ZNF98: variants seen among roughly 807,000 people sequenced by gnomAD.
ZNF98 encodes zinc finger protein 739.
Under a neutral mutation model 12.8 loss-of-function variants are expected in ZNF98, and 8 were observed. The observed-to-expected ratio is 0.63, with a 90% CI of 0.37 to 1.13. ZNF98 has a LOEUF of 1.13. ZNF98 is among the 50% of genes most tolerant of loss of function. The pLI is 0.01. For synonymous variants in ZNF98, 112 were observed against 223.5 expected (o/e 0.50, Z 4.45); for missense variants, 379 against 666.1 (o/e 0.57, Z 4.74).
At chr19:22,415,986 C>CACACAA (rs1969637792) in intron 1 of ZNF98, among the ~76,000 whole-genome samples, 1 of 148,060 alleles carries the variant, frequency 6.8e-6, no homozygotes, top group Non-Finnish European at 1.5e-5. Context: ...CACACACACA[C>CACACAA]ACACACACTT....
intron 3 of ZNF98, 32 bp downstream of exon 3, chr19:22,402,757 C>T (rs148120413): frequency 1.6e-4 from 242 of 1,511,022 alleles, no homozygotes; most frequent in Admixed American, 2.0e-4. Flanking sequence ...TCATCTGTGT[C>T]GTCTGTTGTA....
chr19:22,394,260 T>C (rs890320669), intron 3 of ZNF98, among the ~76,000 whole-genome samples: 24 of 147,364 alleles, frequency 1.6e-4, no homozygotes, highest in African/African-American at 5.5e-4. Context: ...AGTTCAACCA[T>C]TGTGGAAGAC....
intron 1 of ZNF98, among the ~76,000 whole-genome samples, chr19:22,408,032 C>T (rs1368828069): frequency 6.6e-6 from 1 of 152,164 alleles, no homozygotes; most frequent in African/African-American, 2.4e-5. Context: ...GATCACGCCA[C>T]TGCACTGGAC....
chr19:22,400,325 C>A (rs946681633), intron 3 of ZNF98, among the ~76,000 whole-genome samples: 2 of 152,220 alleles, frequency 1.3e-5, no homozygotes, highest in Admixed American at 1.3e-4. Flanking sequence ...GAAACCCACA[C>A]AGTGACCTTG....
intron 3 of ZNF98, among the ~76,000 whole-genome samples, chr19:22,397,740 A>G (rs3853658): frequency 0.084 from 9,572 of 113,370 alleles, no homozygotes; most frequent in African/African-American, 0.2. Context: ...AATGTTTTTC[A>G]AATTTCTCAC....
At chr19:22,407,877 C>G (rs1467310336) in intron 1 of ZNF98, among the ~76,000 whole-genome samples, 1 of 151,902 alleles carries the variant, frequency 6.6e-6, no homozygotes, top group Non-Finnish European at 1.5e-5. Context: ...CGAGACCAGC[C>G]TGACCAACAT....
rs1599381783 is a variant in ZNF98 at position 22,391,091 on chromosome 19, G to GT, written c.*424dup. 6.4e-6 allele frequency: 1 copy of GT among 157,474 alleles called. No individual in the cohort carries two copies. The highest frequency in any genetic ancestry group is 1.9e-4 in the East Asian group (1 of 5,236). The allele number at this position is 157,474 out of a possible 1,614,324, so 9.8% of individuals were successfully genotyped here. On this transcript the variant is annotated 3_prime_UTR_variant, in exon 4 of 4. Transcript: ENST00000357774. ...TATAAATTCTCTGATGTTGAACAAA[G>GT]TTTGAGCAATTGCCTCAGGGTTTGC...
intron 1 of ZNF98, among the ~76,000 whole-genome samples, chr19:22,413,922 C>G (rs1254973777): frequency 2.1e-5 from 3 of 143,200 alleles, no homozygotes; most frequent in Admixed American, 2.1e-4. Context: ...AATGGAAAAC[C>G]ATTTTATGCT....
At chr19:22,406,258 G>A (rs1599387437) in intron 1 of ZNF98, among the ~76,000 whole-genome samples, 1 of 152,242 alleles carries the variant, frequency 6.6e-6, no homozygotes, top group South Asian at 2.1e-4. Context: ...AGGCAGCCCA[G>A]AGGAAGGAGA....
At position 22,412,849 on chromosome 19, in the gene ZNF98, G is replaced by A. The variant is rs1164234589; in HGVS notation, c.31-9337C>T. 9.2e-5 allele frequency among the ~76,000 whole-genome samples: 14 copies of A among 151,846 alleles called. No individual in the cohort carries two copies. In the East Asian group the frequency reaches 1.4e-3, roughly 15 times the overall value. ...GGGAGTATCACGAGGTCAGGAGATC[G>A]AGACTATCCTGGCTAACATGGTGAA... is the stretch of plus-strand genomic sequence containing the variant. On this transcript the variant is annotated intron_variant, in intron 1 of 3. Transcript: ENST00000357774.
chr19:22,407,966 G>C (rs1283119098), intron 1 of ZNF98, among the ~76,000 whole-genome samples: 3 of 151,828 alleles, frequency 2.0e-5, no homozygotes. Flanking sequence ...AGCTACTAGA[G>C]AGGCTGAGGC....
At chr19:22,395,876 G>GGA (rs1555703540) in intron 3 of ZNF98, among the ~76,000 whole-genome samples, 3,744 of 145,812 alleles carry the variant, frequency 0.026, 132 homozygotes, top group African/African-American at 0.089. Context: ...TGAGGGGGGG[G>GGA]AAAAAAAAAA....
intron 3 of ZNF98, among the ~76,000 whole-genome samples, chr19:22,394,344 C>T (rs1255612633): frequency 6.6e-6 from 1 of 151,312 alleles, no homozygotes; most frequent in Non-Finnish European, 1.5e-5. Flanking sequence ...GGGTATATAC[C>T]CAAAGGATTA....
Position 22,391,676 on chromosome 19 carries a change from C to G in ZNF98, c.1559G>C (p.Cys520Ser), listed in dbSNP as rs1400520994. 2 of 1,613,834 alleles carry G rather than the reference C, an allele frequency of 1.2e-6. No homozygotes were observed. Among genetic ancestry groups the G allele is most frequent in the Non-Finnish European group, 1.7e-6 (2 of 1,179,932 alleles). Residue 520 changes from cysteine to serine, a missense_variant, in exon 4 of 4, where the codon TGT (cysteine) becomes TCT (serine). Around this residue, in one of 8 missense-constraint regions of ZNF98, gnomAD observed 59 missense variants for 50.3 expected, o/e 1.17. Transcript: ENST00000357774. ...GTTAAAGGCTTTGCCGCATTCTTCA[C>G]ACTTGTAGGGTTTCTCTCCAGTATG... ...MIHTGEKPYK[C>S]EECGKAFNNS...
intron 1 of ZNF98, 136 bp downstream of exon 1, chr19:22,422,059 C>G: frequency 8.7e-7 from 1 of 1,153,058 alleles, no homozygotes; most frequent in South Asian, 1.2e-5. Flanking sequence ...GGACTGAGGC[C>G]GAGCTAGGCA....
rs1401426476 is a variant in ZNF98, at chr19:22,394,970, G to C, written c.254-1989C>G. Among the ~76,000 whole-genome samples the C allele has an allele frequency of 2.0e-5, 3 of 151,916 alleles. No homozygotes were observed. The East Asian group carries it at 5.8e-4, about 29-fold the overall frequency. ...GAGGATCAACTGAGGTCCGGAGTTT[G>C]AGACCAAGCCTTGGCAACATAGTGA... On this transcript the variant is annotated intron_variant, in intron 3 of 3. Coordinates refer to ENST00000357774, the MANE Select transcript of ZNF98 (RefSeq NM_001098626.2).
intron 1 of ZNF98, among the ~76,000 whole-genome samples, chr19:22,417,634 T>C (rs1969660172): frequency 6.6e-6 from 1 of 152,064 alleles, no homozygotes; most frequent in African/African-American, 2.4e-5. Flanking sequence ...GAACCCTCAG[T>C]TGGTGGGGAA....
At chr19:22,416,911 G>T (rs1969650305) in intron 1 of ZNF98, among the ~76,000 whole-genome samples, 1 of 151,888 alleles carries the variant, frequency 6.6e-6, no homozygotes, top group Non-Finnish European at 1.5e-5. Context: ...CACAGCAGCA[G>T]AAAACCAAAT....
chr19:22,401,669 G>A (rs1809978957), intron 3 of ZNF98, among the ~76,000 whole-genome samples: 1 of 151,280 alleles, frequency 6.6e-6, no homozygotes, highest in Non-Finnish European at 1.5e-5. Flanking sequence ...ATTTTTAGTA[G>A]AGACAGGGTT....
Sources: allele counts gnomAD v4.1 joint callset (sites outside exome capture counted in the v4.1 genomes callset), GRCh38; gene constraint gnomAD v4.1.1; regional missense constraint gnomAD v4.1.1; transcripts MANE v1.5; gene names NCBI Gene and HGNC (gene_info 2026-07-23, HGNC 2026-07-21).